Variants in CLINT1 observed in about 807,000 individuals in gnomAD.
CLINT1 encodes clathrin interacting protein localized in the trans-Golgi region.
Under a neutral mutation model 70.4 loss-of-function variants are expected in CLINT1, and 15 were observed. That is an observed-to-expected ratio of 0.21 (90% CI 0.14 to 0.33). The LOEUF (loss-of-function observed/expected upper bound fraction) is 0.33. Among genes scored for constraint, CLINT1 ranks in the 10% least tolerant of loss-of-function variants. The pLI is 1.00. For synonymous variants in CLINT1, 227 were observed against 254.7 expected, an observed-to-expected ratio of 0.89 and a Z score of 1.04; for missense variants, 615 against 778.1, an observed-to-expected ratio of 0.79 and a Z score of 2.49.
chr5:157,859,134 A>C lies in CLINT1; in HGVS notation c.-164T>G, dbSNP rs1561683550. The C allele has an allele frequency of 1.4e-5, 9 of 632,920 alleles. No individual in the cohort carries two copies. Among genetic ancestry groups the C allele is most frequent in the Non-Finnish European group, 2.3e-5 (9 of 384,996 alleles). The allele number at this position is 632,920 out of a possible 1,614,324, so 39.2% of individuals were successfully genotyped here. A position where few individuals can be genotyped will look rare whatever the true frequency, so the allele number is the denominator to read the frequency against. ...CCACAGCAGCGGCGCCGCCGGTGAC[A>C]CGTCGAGACGCGGCAGCACAGGCGC... On this transcript the variant is annotated 5_prime_UTR_variant, in exon 1 of 12. Coordinates refer to ENST00000411809, the MANE Select transcript of CLINT1 (RefSeq NM_014666.4).
chr5:157,791,591 A>T, intron 10 of CLINT1, 112 bp downstream of exon 10: 1 of 936,124 alleles, frequency 1.1e-6, no homozygotes, highest in Non-Finnish European at 1.6e-6. Flanking sequence ...ACATATTCAT[A>T]CACATAAAAA....
At chr5:157,800,960 T>G (rs187214119) in intron 8 of CLINT1, among the ~76,000 whole-genome samples, 63 of 152,340 alleles carry the variant, frequency 4.1e-4, no homozygotes, top group South Asian at 2.1e-4. Context: ...AGGGGCCCTT[T>G]AAATATTTCA....
intron 1 of CLINT1, among the ~76,000 whole-genome samples, chr5:157,823,183 T>A (rs1401415950): frequency 6.6e-6 from 1 of 152,190 alleles, no homozygotes; most frequent in Non-Finnish European, 1.5e-5. Flanking sequence ...CATACTAAGA[T>A]AATTTAAAAG....
At chr5:157,791,356 C>A (rs997399596) in intron 10 of CLINT1, among the ~76,000 whole-genome samples, 7 of 152,146 alleles carry the variant, frequency 4.6e-5, no homozygotes, top group East Asian at 1.9e-4. Context: ...CTGCGCCTGG[C>A]CTATTTCTTT....
chr5:157,791,784 G>C lies in CLINT1; in HGVS notation c.1299C>G (p.Thr433=). The change falls in exon 10 of 12, where the codon ACC becomes ACG. Residue 433 remains threonine, a synonymous_variant. Transcript: ENST00000411809. ...AATTCATACTCTGGGAAGATGTCAT[G>C]GTTGCCTGGGACGAGCCCATAAGAT... ...LFDLMGSSQA[T]MTSSQSMNFS... 2.5e-6 allele frequency: 4 copies of C among 1,614,002 alleles called. No individual in the cohort carries two copies. Among genetic ancestry groups the C allele is most frequent in the Non-Finnish European group, 3.4e-6 (4 of 1,179,878 alleles).
Position 157,787,931 on chromosome 5 carries a change from T to C in CLINT1, c.1593A>G (p.Pro531=), listed in dbSNP as rs1454273734. ...QSFGAVNLSS[P]SNMLPVRPQT... ...GGGGCCGGACAGGAAGCATGTTCGA[T>C]GGAGAACTGAGGTTCACAGCTCCAA... is the stretch of plus-strand genomic sequence containing the variant. Residue 531 remains proline (P), a synonymous_variant, in exon 12 of 12, where the codon CCA becomes CCG. Coordinates refer to ENST00000411809, the MANE Select transcript of CLINT1 (RefSeq NM_014666.4). 1 of 1,613,036 alleles carries C rather than the reference T, an allele frequency of 6.2e-7. No individual in the cohort carries two copies. The highest frequency in any genetic ancestry group is 8.5e-7 in the Non-Finnish European group (1 of 1,179,522).
intron 1 of CLINT1, among the ~76,000 whole-genome samples, chr5:157,849,660 G>T: frequency 6.6e-6 from 1 of 152,130 alleles, no homozygotes; most frequent in East Asian, 1.9e-4. Flanking sequence ...CTATCTTCTA[G>T]ATGTGCTATC....
Position 157,814,301 on chromosome 5 carries a change from A to AATACAAAGC in CLINT1, c.244-17_244-9dup. 1 of 1,545,294 alleles carries AATACAAAGC rather than the reference A, an allele frequency of 6.5e-7. No homozygotes were observed. The highest frequency in any genetic ancestry group is 8.9e-7 in the Non-Finnish European group (1 of 1,124,062). On this transcript the variant is annotated splice_polypyrimidine_tract_variant and intron_variant, in intron 3 of 11. Coordinates refer to ENST00000411809, the MANE Select transcript of CLINT1 (RefSeq NM_014666.4). ...AGCTAGGAGCAGCAACGACTGCAAA[A>AATACAAAGC]ATACAAAGCAATAAATGATTTAATG...
At position 157,807,415 on chromosome 5, in the gene CLINT1, C is replaced by G. The variant is rs113434599; in HGVS notation, c.696-1303G>C. Among the ~76,000 whole-genome samples the G allele has an allele frequency of 7.2e-3, 1,090 of 152,130 alleles. 14 individuals are homozygous for G. The highest frequency in any genetic ancestry group is 0.025 in the African/African-American group (1,043 of 41,526). ...ATTTCAGCGCAAAATAATTTATTCA[C>G]AAGTTGAAAATATAAATCTGACTAG... On this transcript the variant is annotated intron_variant, in intron 6 of 11. Coordinates refer to ENST00000411809, the MANE Select transcript of CLINT1 (RefSeq NM_014666.4).
At chr5:157,857,328 T>A (rs1029799395) in intron 1 of CLINT1, among the ~76,000 whole-genome samples, 76 of 152,058 alleles carry the variant, frequency 5.0e-4, no homozygotes, top group African/African-American at 1.8e-3. Context: ...AAAATGCCAA[T>A]GAACCTAGAT....
chr5:157,827,316 G>A (rs946546460), intron 1 of CLINT1, among the ~76,000 whole-genome samples: 1 of 152,096 alleles, frequency 6.6e-6, no homozygotes, highest in Non-Finnish European at 1.5e-5. Context: ...GGAACTTATA[G>A]AAGCAAGGAC....
chr5:157,842,914 G>A (rs1172715871), intron 1 of CLINT1, among the ~76,000 whole-genome samples: 1 of 152,182 alleles, frequency 6.6e-6, no homozygotes, highest in Non-Finnish European at 1.5e-5. Context: ...CACTTGCACA[G>A]CTTATTTGCT....
At chr5:157,791,083 G>C (rs1336317738) in intron 10 of CLINT1, among the ~76,000 whole-genome samples, 1 of 151,952 alleles carries the variant, frequency 6.6e-6, no homozygotes, top group Non-Finnish European at 1.5e-5. Context: ...TTTTGAGACG[G>C]AGTATCACTC....
chr5:157,787,781 C>G lies in CLINT1; in HGVS notation c.1743G>C (p.Met581Ile), dbSNP rs1761770225. The change falls in exon 12 of 12, where the codon ATG becomes ATC. Residue 581 changes from methionine (M) to isoleucine (I), a missense_variant. Met to Ile is a conservative substitution (Grantham distance 10). Around this residue, in one of 2 missense-constraint regions of CLINT1, gnomAD observed 374 missense variants for 409.6 expected, o/e 0.91. Transcript: ENST00000411809. ...MMNQSMMGMN[M>I]NIGMSAAGMG... ...TCCCAGCAGCGGACATCCCTATGTT[C>G]ATGTTCATGCCCATCATGCTCTGGT... 7 of 1,613,978 alleles carry G rather than the reference C, an allele frequency of 4.3e-6. No individual in the cohort carries two copies. Among genetic ancestry groups the G allele is most frequent in the Non-Finnish European group, 5.9e-6 (7 of 1,179,870 alleles).
Position 157,803,762 on chromosome 5 carries a change from T to C in CLINT1, c.943-43A>G, listed in dbSNP as rs538558785. Reference sequence around the variant, plus strand: ...ACTCAGGAGCTTCGAAAAGTTTGTTTTTCTAAAAATCAGCTCTATCCATCT... The same window carrying C: ...ACTCAGGAGCTTCGAAAAGTTTGTTCTTCTAAAAATCAGCTCTATCCATCT... On this transcript the variant is annotated intron_variant, in intron 7 of 11. Coordinates refer to ENST00000411809, the MANE Select transcript of CLINT1 (RefSeq NM_014666.4). 1.1e-5 allele frequency: 16 copies of C among 1,440,948 alleles called. No homozygotes were observed. The South Asian group carries it at 2.1e-4, about 19-fold the overall frequency. The allele number at this position is 1,440,948 out of a possible 1,614,324, so 89.3% of individuals were successfully genotyped here.
intron 1 of CLINT1, among the ~76,000 whole-genome samples, chr5:157,822,259 G>A (rs1035162329): frequency 6.0e-5 from 9 of 151,132 alleles, no homozygotes; most frequent in African/African-American, 9.7e-5. Flanking sequence ...TGTGCACAAC[G>A]TGCAGGTGTA....
intron 1 of CLINT1, among the ~76,000 whole-genome samples, chr5:157,850,997 G>A (rs1209141924): frequency 6.6e-6 from 1 of 152,060 alleles, no homozygotes; most frequent in African/African-American, 2.4e-5. Flanking sequence ...GGTCTGTGTT[G>A]CCCAGGCTAG....
chr5:157,834,801 T>C (rs1389030394), intron 1 of CLINT1, among the ~76,000 whole-genome samples: 3 of 152,222 alleles, frequency 2.0e-5, no homozygotes, highest in Middle Eastern at 3.2e-3. Flanking sequence ...TAAACTCTTA[T>C]GTATTATATT....
chr5:157,818,819 T>C (rs1197274795), intron 1 of CLINT1, among the ~76,000 whole-genome samples: 1 of 152,222 alleles, frequency 6.6e-6, no homozygotes, highest in Non-Finnish European at 1.5e-5. Context: ...AATTTAAGAA[T>C]TCAAAGACAT....
Sources: allele counts gnomAD v4.1 joint callset (sites outside exome capture counted in the v4.1 genomes callset), GRCh38; gene constraint gnomAD v4.1.1; regional missense constraint gnomAD v4.1.1; transcripts MANE v1.5; gene names NCBI Gene and HGNC (gene_info 2026-07-23, HGNC 2026-07-21).